Variants in RBPJ observed in about 807,000 individuals in gnomAD.
The protein encoded by RBPJ is recombination signal binding protein for immunoglobulin kappa J region, also known as recombining binding protein suppressor of hairless.
RBPJ carries 9 observed loss-of-function variants against 67.8 expected under a neutral mutation model. The ratio of observed to expected loss-of-function variants is 0.13; its 90% CI spans 0.08 to 0.23. RBPJ has a LOEUF of 0.23. Ranked by LOEUF, RBPJ falls within the 10% of genes least tolerant of loss-of-function variation. RBPJ has a pLI of 1.00. For synonymous variants in RBPJ, 198 were observed against 203.3 expected (o/e 0.97, Z 0.22); for missense variants, 305 against 595.6 (o/e 0.51, Z 5.08).
the RBPJ span, among the ~76,000 whole-genome samples, chr4:26,107,897 C>A: frequency 6.6e-6 from 1 of 152,040 alleles, no homozygotes; most frequent in Non-Finnish European, 1.5e-5. Context: ...GACCCTGTCT[C>A]AAAAAAGAAA....
intron 1 of RBPJ, among the ~76,000 whole-genome samples, chr4:26,240,531 C>T (rs1045970814): frequency 5.9e-5 from 9 of 152,118 alleles, no homozygotes; most frequent in Non-Finnish European, 1.3e-4. Flanking sequence ...AAGCTATACC[C>T]GTGCTGAAGT....
intron 2 of RBPJ, among the ~76,000 whole-genome samples, chr4:26,387,545 A>G (rs1731040733): frequency 6.6e-6 from 1 of 152,230 alleles, no homozygotes; most frequent in Non-Finnish European, 1.5e-5. Context: ...CAGGTATTGA[A>G]CATCAGGTAT....
the RBPJ span, among the ~76,000 whole-genome samples, chr4:26,146,050 C>T: frequency 6.6e-6 from 1 of 152,194 alleles, no homozygotes; most frequent in Non-Finnish European, 1.5e-5. Context: ...AATCCTCCCA[C>T]CTCAGCCTCC....
chr4:26,208,237 C>A (rs1308552597), intron 1 of RBPJ, among the ~76,000 whole-genome samples: 1 of 152,230 alleles, frequency 6.6e-6, no homozygotes, highest in Non-Finnish European at 1.5e-5. Flanking sequence ...ATCTTCCCAT[C>A]TTGCAGATGA....
Position 26,424,965 on chromosome 4 carries a change from A to AT in RBPJ, c.747+228dup. 2 of 441,372 alleles carry AT rather than the reference A, an allele frequency of 4.5e-6. No homozygotes were observed. Among genetic ancestry groups the AT allele is most frequent in the Admixed American group, 4.0e-5 (1 of 24,912 alleles). The allele number at this position is 441,372 out of a possible 1,614,324, so 27.3% of individuals were successfully genotyped here. A position where few individuals can be genotyped will look rare whatever the true frequency, so the allele number is the denominator to read the frequency against. On this transcript the variant is annotated intron_variant, in intron 7 of 10. Transcript: ENST00000355476. The surrounding 1 kb of genome is among the most constrained non-coding windows in gnomAD (Gnocchi z 5.3). ...AGTTTTTACAAGTACATTCTTAATG[A>AT]TTTTTTCTTAAATGATTTCCAATAT... is the stretch of plus-strand genomic sequence containing the variant.
chr4:26,173,937 G>A (rs112844360), intron 1 of RBPJ, among the ~76,000 whole-genome samples: 17 of 152,328 alleles, frequency 1.1e-4, no homozygotes, highest in African/African-American at 3.6e-4. Context: ...ACAAAGTACC[G>A]TAGGGAAGCA....
At chr4:26,107,439 A>C in the RBPJ span, among the ~76,000 whole-genome samples, 55 of 152,330 alleles carry the variant, frequency 3.6e-4, 2 homozygotes, top group South Asian at 0.011. Context: ...ACACCACTTC[A>C]AATGTTTGGC....
the RBPJ span, among the ~76,000 whole-genome samples, chr4:26,155,366 C>T: frequency 6.6e-6 from 1 of 152,132 alleles, no homozygotes; most frequent in Admixed American, 6.5e-5. Flanking sequence ...TAAGATTCAG[C>T]CTCAGGCACA....
At chr4:26,110,373 C>T in the RBPJ span, among the ~76,000 whole-genome samples, 1 of 152,182 alleles carries the variant, frequency 6.6e-6, no homozygotes, top group Non-Finnish European at 1.5e-5. This position sits in a 1 kb window ranked among gnomAD's most constrained non-coding sequence, Gnocchi z 4.5. Flanking sequence ...GACTCTTACT[C>T]TCCTGTAGCT....
rs1273474765 is a variant in RBPJ at position 26,210,732 on chromosome 4, TTTAC to T, written c.-167+47121_-167+47124del. The stretch of plus-strand genomic sequence containing the variant: ...CCTTCTTTCCTTCTTTCTTTCCTTC[TTTAC>T]TTCTTTCCTTCTTTCCTTCTTTCTT... On this transcript the variant is annotated intron_variant, in intron 1 of 4. Coordinates refer to the RBPJ transcript ENST00000512351. Among the ~76,000 whole-genome samples the T allele has an allele frequency of 1.0e-2, 744 of 74,708 alleles. 49 individuals are homozygous for T. The highest frequency in any genetic ancestry group is 0.012 in the Non-Finnish European group (448 of 38,376). 49.0% of individuals were successfully genotyped at this position (74,708 alleles called of 152,430 possible).
rs550931175 is a variant in RBPJ at position 26,424,325 on chromosome 4, C to A, written c.497-17C>A. 6 of 1,611,582 alleles carry A rather than the reference C, an allele frequency of 3.7e-6. No individual in the cohort carries two copies. The South Asian group carries it at 6.6e-5, about 18-fold the overall frequency. On this transcript the variant is annotated splice_polypyrimidine_tract_variant and intron_variant, in intron 5 of 10. Transcript: ENST00000355476. This position sits in a 1 kb window ranked among gnomAD's most constrained non-coding sequence, Gnocchi z 5.3. ...TCTGCTCCAATCACATAAATAAGAG[C>A]TGTTTTTTCTTTGCAGTATGCATTG... is the stretch of plus-strand genomic sequence containing the variant.
chr4:26,309,602 C>T (rs1177522640), intron 1 of RBPJ, among the ~76,000 whole-genome samples: 1 of 152,122 alleles, frequency 6.6e-6, no homozygotes, highest in Non-Finnish European at 1.5e-5. Flanking sequence ...AGTGGTGAAG[C>T]TAGTTCAGTG....
At chr4:26,254,843 ATTTTTTTT>A (rs71643604) in intron 1 of RBPJ, among the ~76,000 whole-genome samples, 5 of 16,548 alleles carry the variant, frequency 3.0e-4, no homozygotes, top group East Asian at 3.8e-3. Flanking sequence ...ATGCCCAGCT[ATTTTTTTT>A]TTTTTTTTTT....
At chr4:26,147,287 G>C in the RBPJ span, among the ~76,000 whole-genome samples, 4 of 152,198 alleles carry the variant, frequency 2.6e-5, no homozygotes, top group African/African-American at 9.7e-5. Flanking sequence ...CTGGGTCAAG[G>C]GTCCAGAGAC....
chr4:26,119,530 A>G, the RBPJ span, among the ~76,000 whole-genome samples: 1 of 151,974 alleles, frequency 6.6e-6, no homozygotes, highest in South Asian at 2.1e-4. Flanking sequence ...AAAACTGTCC[A>G]TGTCTGTGCT....
intron 1 of RBPJ, among the ~76,000 whole-genome samples, chr4:26,363,264 T>C (rs1292338227): frequency 6.6e-6 from 1 of 151,852 alleles, no homozygotes; most frequent in East Asian, 1.9e-4. Flanking sequence ...CTCAGCTTCC[T>C]GAGTAGCTGG....
chr4:26,272,092 GA>G (rs35247036), intron 1 of RBPJ, among the ~76,000 whole-genome samples: 4 of 152,174 alleles, frequency 2.6e-5, no homozygotes, highest in East Asian at 1.9e-4. Flanking sequence ...AATCAATAGG[GA>G]AAAAAGCTTT....
At chr4:26,361,278 G>A (rs1728036900) in intron 1 of RBPJ, among the ~76,000 whole-genome samples, 1 of 152,064 alleles carries the variant, frequency 6.6e-6, no homozygotes, top group African/African-American at 2.4e-5. Flanking sequence ...ATATAATTCT[G>A]TCGCCATTAT....
At chr4:26,317,254 C>T (rs886311831), upstream of RBPJ, among the ~76,000 whole-genome samples, 1 of 151,686 alleles carries the variant, frequency 6.6e-6, no homozygotes, top group Non-Finnish European at 1.5e-5. Flanking sequence ...TCAGGGAAGG[C>T]CTCCCTGAGG....
Sources: gnomAD v4.1 joint callset for allele counts (sites outside exome capture counted in the v4.1 genomes callset) on GRCh38, gnomAD v4.1.1 for gene constraint, Gnocchi (gnomAD v3.1) non-coding constraint, MANE v1.5 for transcripts, NCBI Gene and HGNC (gene_info 2026-07-23, HGNC 2026-07-21) for gene names.